The following KCTD19 variants were observed in gnomAD, a reference collection of about 807,000 sequenced individuals.
KCTD19 encodes BTB/POZ domain-containing protein KCTD19.
KCTD19 carries 67 observed loss-of-function variants against 103.5 expected under a neutral mutation model. The ratio of observed to expected loss-of-function variants is 0.65; its 90% CI spans 0.53 to 0.79. KCTD19 has a LOEUF of 0.79. KCTD19 is among the 30% of genes least tolerant of loss of function. KCTD19 has a pLI of 0.00. For synonymous variants in KCTD19, 439 were observed against 452.2 expected (o/e 0.97, Z 0.37); for missense variants, 980 against 1,136.1 (o/e 0.86, Z 1.98).
chr16:67,318,721 A>C (rs1490387043), intron 2 of KCTD19, among the ~76,000 whole-genome samples: 6 of 152,118 alleles, frequency 3.9e-5, no homozygotes, highest in Non-Finnish European at 8.8e-5. Context: ...TTTCTGCAAC[A>C]AGCAAGTTAC....
At chr16:67,314,146 C>T (rs562911108) in intron 2 of KCTD19, among the ~76,000 whole-genome samples, 2 of 151,770 alleles carry the variant, frequency 1.3e-5, no homozygotes, top group East Asian at 3.9e-4. Flanking sequence ...TGTGAGCCAC[C>T]GTGCCCAGCC....
At chr16:67,295,554 G>C in intron 8 of KCTD19, 149 bp from the exon 9 acceptor site, 2 of 733,800 alleles carry the variant, frequency 2.7e-6, no homozygotes, top group South Asian at 2.1e-5. Flanking sequence ...AAGGAACCAT[G>C]GTGGGGAGCA....
At position 67,303,788 on chromosome 16, in the gene KCTD19, C is replaced by T. The variant is rs573535180; in HGVS notation, c.452-451G>A. Among the ~76,000 whole-genome samples the T allele has an allele frequency of 6.6e-6, 1 of 152,230 alleles. No homozygotes were observed. Among genetic ancestry groups the T allele is most frequent in the East Asian group, 1.9e-4 (1 of 5,180 alleles). On this transcript the variant is annotated intron_variant, in intron 3 of 15. Coordinates refer to ENST00000304372, the MANE Select transcript of KCTD19 (RefSeq NM_001100915.3). The surrounding 1 kb of genome is among the most constrained non-coding windows in gnomAD (Gnocchi z 4.3). ...TCTCGAACTCCTGACCTCACGTGAT[C>T]CATCTGCCTCAGCCTCCCAAAATGC...
At chr16:67,292,525 A>G (rs1265996886) in intron 12 of KCTD19, among the ~76,000 whole-genome samples, 1 of 152,202 alleles carries the variant, frequency 6.6e-6, no homozygotes, top group African/African-American at 2.4e-5. Flanking sequence ...CCTTTGATGC[A>G]TGTCCAAAGA....
chr16:67,308,449 G>A (rs889901425), intron 2 of KCTD19, among the ~76,000 whole-genome samples: 2 of 152,106 alleles, frequency 1.3e-5, no homozygotes, highest in African/African-American at 4.8e-5. Flanking sequence ...ACAGGCATGA[G>A]CCACTGCGCC....
intron 1 of KCTD19, chr16:67,321,669 G>C (rs979720317): frequency 6.6e-6 from 1 of 151,930 alleles, no homozygotes; most frequent in Non-Finnish European, 1.5e-5. Flanking sequence ...TTTAAAGGCA[G>C]ACTGCCACAT....
intron 2 of KCTD19, among the ~76,000 whole-genome samples, chr16:67,307,616 G>T (rs1178213539): frequency 6.6e-6 from 1 of 151,864 alleles, no homozygotes. Flanking sequence ...ACGCCTGGCC[G>T]ACAGCCAGCT....
At chr16:67,325,376 CTTTATTTTATTTTAT>C (rs544654868) in intron 1 of KCTD19, among the ~76,000 whole-genome samples, 2 of 145,606 alleles carry the variant, frequency 1.4e-5, no homozygotes, top group Non-Finnish European at 3.0e-5. Flanking sequence ...CCACGCCCGG[CTTTATTTTATTTTAT>C]TTTATTTTAT....
rs1265135850 is a variant in KCTD19, at chr16:67,303,626, C to T, written c.452-289G>A. On this transcript the variant is annotated intron_variant, in intron 3 of 15. Transcript: ENST00000304372. The surrounding 1 kb of genome is among the most constrained non-coding windows in gnomAD (Gnocchi z 4.3). Reference sequence around the variant, plus strand: ...TCAGTGGTGCCATCTTGGCTCACTGCAACCTCTGTCTCTCAGATTCAACTG... The same window carrying T: ...TCAGTGGTGCCATCTTGGCTCACTGTAACCTCTGTCTCTCAGATTCAACTG... Among the ~76,000 whole-genome samples the T allele has an allele frequency of 1.3e-5, 2 of 152,168 alleles. No individual in the cohort carries two copies. Among genetic ancestry groups the T allele is most frequent in the Admixed American group, 1.3e-4 (2 of 15,280 alleles).
chr16:67,304,902 A>T (rs1401938169), intron 2 of KCTD19, among the ~76,000 whole-genome samples: 1 of 152,134 alleles, frequency 6.6e-6, no homozygotes, highest in Non-Finnish European at 1.5e-5. Flanking sequence ...TCCTGACCTC[A>T]GGTGATCCAT....
At chr16:67,295,508 G>T in intron 8 of KCTD19, 103 bp from the exon 9 acceptor site, 1 of 1,105,366 alleles carries the variant, frequency 9.0e-7, no homozygotes, top group Non-Finnish European at 1.3e-6. Flanking sequence ...CTAGAGCAGA[G>T]GCTTTGAGAT....
chr16:67,304,678 T>C, intron 2 of KCTD19, 107 bp from the exon 3 acceptor site: 1 of 1,043,304 alleles, frequency 9.6e-7, no homozygotes, highest in Non-Finnish European at 1.4e-6. Context: ...TTTTTTTTTT[T>C]TTTGAGACAG....
chr16:67,304,966 C>T (rs527750663), intron 2 of KCTD19, among the ~76,000 whole-genome samples: 34 of 152,046 alleles, frequency 2.2e-4, no homozygotes, highest in Non-Finnish European at 4.3e-4. Flanking sequence ...CCGCGCCCAG[C>T]GACTTACTTT....
rs776633709 is a variant in KCTD19 at position 67,299,406 on chromosome 16, G to A, written c.943C>T (p.Arg315Ter). 1.6e-5 allele frequency: 26 copies of A among 1,614,104 alleles called. No individual in the cohort carries two copies. In the Admixed American group the frequency reaches 2.3e-4, roughly 14 times the overall value. The change falls in exon 6 of 16, where the codon CGA becomes TGA. Residue 315 changes from arginine to a stop codon, truncating the protein, a stop_gained. Coordinates refer to ENST00000304372, the MANE Select transcript of KCTD19 (RefSeq NM_001100915.3). LOFTEE classifies it high-confidence loss of function. ...ACGCCATTCCCTGTGATGTACAGTCGGCTTCCGTCTAGCGTGCTCTCGATG... is the reference window on the plus strand; with the variant it reads ...ACGCCATTCCCTGTGATGTACAGTCAGCTTCCGTCTAGCGTGCTCTCGATG... ...LRIESTLDGSRLYITGNGVLF... is the reference protein window; with the variant it reads ...LRIESTLDGS
intron 6 of KCTD19, 82 bp downstream of exon 6, chr16:67,299,281 T>G: frequency 7.5e-7 from 1 of 1,329,494 alleles, no homozygotes; most frequent in Admixed American, 1.9e-5. Flanking sequence ...CTCTGGCTAG[T>G]GGGAAAGGCC....
intron 2 of KCTD19, among the ~76,000 whole-genome samples, chr16:67,309,503 G>T (rs965640355): frequency 6.6e-6 from 1 of 152,166 alleles, no homozygotes; most frequent in African/African-American, 2.4e-5. Flanking sequence ...AAAGACAGTA[G>T]GCAAAGTAGC....
Position 67,303,124 on chromosome 16 carries a change from C to A in KCTD19, c.643+22G>T. 1.1e-5 allele frequency: 6 copies of A among 531,114 alleles called. No homozygotes were observed. The highest frequency in any genetic ancestry group is 1.4e-4 in the East Asian group (2 of 14,488). The allele number at this position is 531,114 out of a possible 1,614,324, so 32.9% of individuals were successfully genotyped here. A position where few individuals can be genotyped will look rare whatever the true frequency, so the allele number is the denominator to read the frequency against. On this transcript the variant is annotated intron_variant, in intron 4 of 15. Coordinates refer to ENST00000304372, the MANE Select transcript of KCTD19 (RefSeq NM_001100915.3). This position sits in a 1 kb window ranked among gnomAD's most constrained non-coding sequence, Gnocchi z 4.3. ...GGGCCCTATCAGCCCGCCCCCCACC[C>A]CACCCCGGACAGAGCAATCACCAAT...
chr16:67,303,109 A>AGGCCG lies in KCTD19; in HGVS notation c.643+36_643+37insCGGCC. On this transcript the variant is annotated intron_variant, in intron 4 of 15. Transcript: ENST00000304372. The surrounding 1 kb of genome is among the most constrained non-coding windows in gnomAD (Gnocchi z 4.3). ...TGGGGAGGGGTGAATGGGCCCTATC[A>AGGCCG]GCCCGCCCCCCACCCCACCCCGGAC... is the stretch of plus-strand genomic sequence containing the variant. 2 of 483,252 alleles carry AGGCCG rather than the reference A, an allele frequency of 4.1e-6. No individual in the cohort carries two copies. The highest frequency in any genetic ancestry group is 8.1e-6 in the Non-Finnish European group (2 of 247,146). The allele number at this position is 483,252 out of a possible 1,614,324, so 29.9% of individuals were successfully genotyped here.
chr16:67,290,851 C>G, intron 15 of KCTD19, 34 bp downstream of exon 15: 8 of 1,565,202 alleles, frequency 5.1e-6, no homozygotes, highest in Non-Finnish European at 6.1e-6. Flanking sequence ...TCCACAGGGT[C>G]GGTGGATTCC....
Sources: gnomAD v4.1 joint callset for allele counts (sites outside exome capture counted in the v4.1 genomes callset) on GRCh38, gnomAD v4.1.1 for gene constraint, Gnocchi (gnomAD v3.1) non-coding constraint, MANE v1.5 for transcripts, NCBI Gene and HGNC (gene_info 2026-07-23, HGNC 2026-07-21) for gene names.